Variants in MIDEAS observed in about 807,000 individuals in gnomAD.
MIDEAS encodes the protein mitotic deacetylase-associated SANT domain protein.
MIDEAS carries 26 observed loss-of-function variants against 102.7 expected under a neutral mutation model. The observed-to-expected ratio is 0.25, with a 90% confidence interval of 0.19 to 0.35. The LOEUF is 0.35. Among genes scored for constraint, MIDEAS ranks in the 10% least tolerant of loss-of-function variants. The pLI is 1.00. For synonymous variants in MIDEAS, 585 were observed against 591.0 expected, an observed-to-expected ratio of 0.99 and a Z score of 0.15; for missense variants, 1,231 against 1,435.6, an observed-to-expected ratio of 0.86 and a Z score of 2.30.
At position 73,722,682 on chromosome 14, in the gene MIDEAS, T is replaced by G. The variant is rs1257971550; in HGVS notation, c.2724+16A>C. 5 of 1,612,732 alleles carry G rather than the reference T, an allele frequency of 3.1e-6. No individual in the cohort carries two copies. The Admixed American group carries it at 8.3e-5, about 27-fold the overall frequency. The stretch of plus-strand genomic sequence containing the variant: ...CAGCCCAGGCTCTATGCAGCTGAGG[T>G]TGGAAAAGGAGTCACCTTAATATCC... On this transcript the variant is annotated intron_variant, in intron 10 of 12. Transcript: ENST00000423556.
At chr14:73,780,624 G>A (rs530257450) in intron 1 of MIDEAS, among the ~76,000 whole-genome samples, 3 of 152,328 alleles carry the variant, frequency 2.0e-5, no homozygotes, top group South Asian at 4.1e-4. Context: ...ACAAATGGCC[G>A]GTGAGGACAG....
intron 1 of MIDEAS, among the ~76,000 whole-genome samples, chr14:73,786,216 G>C (rs1487838963): frequency 6.6e-6 from 1 of 152,174 alleles, no homozygotes; most frequent in East Asian, 1.9e-4. Context: ...CCAGCCCCTA[G>C]TTACTCTGCA....
chr14:73,739,725 A>G lies in MIDEAS; in HGVS notation c.284T>C (p.Val95Ala). The G allele has an allele frequency of 6.2e-7, 1 of 1,613,862 alleles. No homozygotes were observed. Among genetic ancestry groups the G allele is most frequent in the Non-Finnish European group, 8.5e-7 (1 of 1,180,008 alleles). The part of the protein sequence containing the change: ...AAMLSQQVAS[V>A]KWPNSVMAPG... ...AGCCATCACAGAGTTGGGCCACTTT[A>G]CTGAGGCCACCTGCTGGGACAGCAT... Residue 95 changes from valine (V) to alanine (A), a missense_variant, in exon 2 of 13, where the codon GTA (valine) becomes GCA (alanine). Physicochemically the swap from Val to Ala is moderately conservative, Grantham distance 64. Coordinates refer to ENST00000423556, the MANE Select transcript of MIDEAS (RefSeq NM_001367710.1).
chr14:73,726,166 A>C, intron 7 of MIDEAS, 58 bp from the exon 8 acceptor site: 1 of 1,370,448 alleles, frequency 7.3e-7, no homozygotes, highest in Non-Finnish European at 1.0e-6. Context: ...TGGTGGACGG[A>C]GCATTCTAGG....
chr14:73,734,028 A>G (rs1351325970), intron 3 of MIDEAS, among the ~76,000 whole-genome samples: 1 of 151,962 alleles, frequency 6.6e-6, no homozygotes, highest in Non-Finnish European at 1.5e-5. Flanking sequence ...TCTGTTGCCC[A>G]GGCTGGAGTG....
chr14:73,769,344 G>C (rs2053621221), intron 1 of MIDEAS, among the ~76,000 whole-genome samples: 1 of 152,226 alleles, frequency 6.6e-6, no homozygotes, highest in Admixed American at 6.5e-5. Flanking sequence ...GACATGAGCA[G>C]GGTTTGACAC....
intron 3 of MIDEAS, among the ~76,000 whole-genome samples, chr14:73,730,708 T>C (rs2053127003): frequency 6.7e-6 from 1 of 148,576 alleles, no homozygotes. Flanking sequence ...ATCTCAGCAC[T>C]TTGGGAGGTC....
chr14:73,748,045 A>C (rs925473907), intron 1 of MIDEAS, among the ~76,000 whole-genome samples: 5 of 152,184 alleles, frequency 3.3e-5, no homozygotes, highest in African/African-American at 1.2e-4. Flanking sequence ...CATTTTGTTT[A>C]ACCCTTACTG....
intron 1 of MIDEAS, among the ~76,000 whole-genome samples, chr14:73,755,528 T>C (rs1224218197): frequency 2.6e-5 from 4 of 152,338 alleles, no homozygotes; most frequent in South Asian, 2.1e-4. Context: ...GGGGACTTTT[T>C]TTCCTTGGCT....
chr14:73,718,702 GT>G lies in MIDEAS; in HGVS notation c.*140del. On this transcript the variant is annotated 3_prime_UTR_variant, in exon 13 of 13. Transcript: ENST00000423556. ...CTTCATAAATAAAAGAGCCGTTTAT[GT>G]CATTGTCTCATTTGTTTCGCAGGGA... 1.2e-6 allele frequency: 1 copy of G among 857,406 alleles called. No homozygotes were observed. Among genetic ancestry groups the G allele is most frequent in the South Asian group, 3.0e-5 (1 of 33,824 alleles). The allele number at this position is 857,406 out of a possible 1,614,324, so 53.1% of individuals were successfully genotyped here. A position where few individuals can be genotyped will look rare whatever the true frequency, so the allele number is the denominator to read the frequency against.
In MIDEAS at chr14:73,738,946, G is replaced by A; in HGVS notation, c.1063C>T (p.Leu355=). 6.5e-7 allele frequency: 1 copy of A among 1,529,670 alleles called. No individual in the cohort carries two copies. The highest frequency in any genetic ancestry group is 2.3e-5 in the East Asian group (1 of 44,196). The allele number at this position is 1,529,670 out of a possible 1,614,324, so 94.8% of individuals were successfully genotyped here. Residue 355 remains leucine (L), a synonymous_variant, in exon 2 of 13, where the codon CTG becomes TTG. Coordinates refer to ENST00000423556, the MANE Select transcript of MIDEAS (RefSeq NM_001367710.1). The part of the protein sequence containing the change: ...RSRRLSKEGI[L]PPSALDGAGT... ...GCCCCATCCAGGGCGCTGGGAGGCAGGATACCCTCCTTAGAGAGGCGGCGG... is the reference window on the plus strand; with the variant it reads ...GCCCCATCCAGGGCGCTGGGAGGCAAGATACCCTCCTTAGAGAGGCGGCGG...
chr14:73,745,930 T>C (rs1440720229), intron 1 of MIDEAS, among the ~76,000 whole-genome samples: 2 of 152,192 alleles, frequency 1.3e-5, no homozygotes, highest in African/African-American at 4.8e-5. Context: ...ATCACTTCTC[T>C]GGACTGAACT....
upstream of MIDEAS, among the ~76,000 whole-genome samples, chr14:73,760,474 T>C (rs1304403266): frequency 6.6e-6 from 1 of 152,338 alleles, no homozygotes; most frequent in African/African-American, 2.4e-5. This position sits in a 1 kb window ranked among gnomAD's most constrained non-coding sequence, Gnocchi z 4.8. Flanking sequence ...CCGCCCAGGC[T>C]GGCGCCCCCG....
intron 1 of MIDEAS, among the ~76,000 whole-genome samples, chr14:73,754,014 T>A (rs988432653): frequency 6.6e-6 from 1 of 151,998 alleles, no homozygotes; most frequent in African/African-American, 2.4e-5. Context: ...CTGCAGGAAG[T>A]AGAAGGGACT....
chr14:73,760,706 G>C (rs1229599452), upstream of MIDEAS, among the ~76,000 whole-genome samples: 1 of 152,204 alleles, frequency 6.6e-6, no homozygotes, highest in Admixed American at 6.5e-5. This position sits in a 1 kb window ranked among gnomAD's most constrained non-coding sequence, Gnocchi z 4.8. Context: ...GACTCTCCGA[G>C]TTTCACTTTC....
Position 73,716,753 on chromosome 14 carries a change from CAT to C in MIDEAS, c.*2088_*2089del, listed in dbSNP as rs1013345319. The C allele has an allele frequency of 6.6e-6, 1 of 150,396 alleles. No homozygotes were observed. Among genetic ancestry groups the C allele is most frequent in the African/African-American group, 2.5e-5 (1 of 40,638 alleles). The allele number at this position is 150,396 out of a possible 1,614,324, so 9.3% of individuals were successfully genotyped here. A position where few individuals can be genotyped will look rare whatever the true frequency, so the allele number is the denominator to read the frequency against. On this transcript the variant is annotated 3_prime_UTR_variant, in exon 13 of 13. Transcript: ENST00000423556. ...GATGTTACCACTGACAAAAGGGTCTCATATGAATGATGGAGGTTTCTGTTACC... is the reference window on the plus strand; with the variant it reads ...GATGTTACCACTGACAAAAGGGTCTCATGAATGATGGAGGTTTCTGTTACC...
intron 5 of MIDEAS, 21 bp from the exon 6 acceptor site, chr14:73,726,993 G>A: frequency 1.9e-6 from 3 of 1,571,702 alleles, no homozygotes; most frequent in Non-Finnish European, 2.6e-6. Context: ...GAAAAGGGCA[G>A]GAAGTGAGGC....
chr14:73,769,004 T>C (rs1479289993), intron 1 of MIDEAS, among the ~76,000 whole-genome samples: 1 of 152,184 alleles, frequency 6.6e-6, no homozygotes, highest in Non-Finnish European at 1.5e-5. Context: ...CCAGCCTCTG[T>C]CATTTCATCC....
At chr14:73,779,160 G>A (rs1056650072) in intron 1 of MIDEAS, among the ~76,000 whole-genome samples, 2 of 151,938 alleles carry the variant, frequency 1.3e-5, no homozygotes, top group African/African-American at 4.8e-5. Flanking sequence ...GCTGAGGCAG[G>A]TGGAGTACTT....
Sources: gnomAD v4.1 joint callset for allele counts (sites outside exome capture counted in the v4.1 genomes callset) on GRCh38, gnomAD v4.1.1 for gene constraint, Gnocchi (gnomAD v3.1) non-coding constraint, MANE v1.5 for transcripts, NCBI Gene and HGNC (gene_info 2026-07-23, HGNC 2026-07-21) for gene names.